DNAH6: variants seen among roughly 807,000 people sequenced by gnomAD.
DNAH6 encodes dynein axonemal heavy chain 6.
DNAH6 carries 340 observed loss-of-function variants against 491.4 expected under a neutral mutation model. The observed-to-expected ratio is 0.69, with a 90% confidence interval of 0.63 to 0.76. DNAH6 has a LOEUF of 0.76. Among genes scored for constraint, DNAH6 ranks in the 30% least tolerant of loss-of-function variants. The pLI, the probability that DNAH6 is intolerant of heterozygous loss-of-function variation, is 0.00. For missense variants in DNAH6, 4,443 were observed against 4,972.2 expected (o/e 0.89, Z 3.20); for synonymous variants, 1,603 against 1,686.1 (o/e 0.95, Z 1.21).
At chr2:84,739,435 A>C (rs1672306885) in intron 62 of DNAH6, among the ~76,000 whole-genome samples, 1 of 152,204 alleles carries the variant, frequency 6.6e-6, no homozygotes, top group African/African-American at 2.4e-5. Flanking sequence ...ATATCCTCAA[A>C]TATGTTTTCC....
At chr2:84,810,387 C>T (rs75141673) in intron 72 of DNAH6, among the ~76,000 whole-genome samples, 4,763 of 152,234 alleles carry the variant, frequency 0.031, 268 homozygotes, top group African/African-American at 0.11. Context: ...TTTTTCTGGT[C>T]AAACAAACCC....
In DNAH6 at chr2:84,628,228, A is replaced by G. The variant is rs116711843; in HGVS notation, c.4515+3165A>G. ...GTAAGCAGTTTCCAGAGAAAGAGGA[A>G]TGGTATCCTCTAACGGTTTCTGCAA... On this transcript the variant is annotated intron_variant, in intron 29 of 76. Transcript: ENST00000389394. Among the ~76,000 whole-genome samples, 1,029 of 152,274 alleles carry G rather than the reference A, an allele frequency of 6.8e-3. 7 individuals carry two copies. Among genetic ancestry groups the G allele is most frequent in the Middle Eastern group, 0.014 (4 of 294 alleles).
chr2:84,702,582 A>G (rs1394571022), intron 49 of DNAH6, among the ~76,000 whole-genome samples: 1 of 139,120 alleles, frequency 7.2e-6, no homozygotes, highest in Non-Finnish European at 1.5e-5. Context: ...TCGCTCTGTC[A>G]CCCAGGCTGG....
At chr2:84,711,671 G>A (rs1473823610) in intron 56 of DNAH6, among the ~76,000 whole-genome samples, 2 of 152,180 alleles carry the variant, frequency 1.3e-5, no homozygotes. Context: ...TGGAAGGGTT[G>A]CATAAACTAT....
At chr2:84,503,034 G>A in the DNAH6 span, among the ~76,000 whole-genome samples, 4 of 151,818 alleles carry the variant, frequency 2.6e-5, no homozygotes, top group Admixed American at 2.6e-4. Context: ...CTGCCATTTT[G>A]TTATTTGCTT....
intron 76 of DNAH6, among the ~76,000 whole-genome samples, chr2:84,817,110 T>G (rs1206781995): frequency 3.3e-5 from 5 of 152,168 alleles, no homozygotes; most frequent in African/African-American, 1.2e-4. Context: ...AAGGAATGAT[T>G]TTTAGCAACC....
At chr2:84,773,523 A>G (rs1675837516) in intron 64 of DNAH6, among the ~76,000 whole-genome samples, 1 of 152,062 alleles carries the variant, frequency 6.6e-6, no homozygotes, top group Non-Finnish European at 1.5e-5. Context: ...GCTATTGTGA[A>G]TACTGCAAGT....
At chr2:84,574,735 C>T (rs1302436693) in intron 12 of DNAH6, among the ~76,000 whole-genome samples, 1 of 152,178 alleles carries the variant, frequency 6.6e-6, no homozygotes, top group African/African-American at 2.4e-5. Context: ...TGTGCTATGT[C>T]ATGGCATCAC....
chr2:84,704,285 C>T lies in DNAH6; in HGVS notation c.8448C>T (p.Ser2816=). ...TCATGACAGTAATGGAAGCAATCTC[C>T]ATTCTTTTGAATGCCAAGTGAGTAA... is the stretch of plus-strand genomic sequence containing the variant. The part of the protein sequence containing the change: ...DLVMTVMEAI[S]ILLNAKPDWP... Residue 2816 remains serine (S), a synonymous_variant, in exon 51 of 77, where the codon TCC becomes TCT. Transcript: ENST00000389394. 1 of 1,551,338 alleles carries T rather than the reference C, an allele frequency of 6.4e-7. No individual in the cohort carries two copies. Among genetic ancestry groups the T allele is most frequent in the Non-Finnish European group, 8.7e-7 (1 of 1,146,678 alleles).
At chr2:84,662,607 G>T (rs567387640) in intron 37 of DNAH6, among the ~76,000 whole-genome samples, 1 of 152,332 alleles carries the variant, frequency 6.6e-6, no homozygotes, top group South Asian at 2.1e-4. Context: ...TGGCCAGAAA[G>T]CTCAAACTGG....
At chr2:84,711,266 C>G (rs1260793450) in intron 56 of DNAH6, among the ~76,000 whole-genome samples, 1 of 152,194 alleles carries the variant, frequency 6.6e-6, no homozygotes, top group Admixed American at 6.5e-5. Context: ...GAGAGAAGGG[C>G]TTCCCCAGCA....
intron 45 of DNAH6, among the ~76,000 whole-genome samples, chr2:84,690,557 T>A (rs1333777577): frequency 6.6e-6 from 1 of 152,238 alleles, no homozygotes; most frequent in Non-Finnish European, 1.5e-5. Context: ...CTATTTATAA[T>A]CTTTCTTACT....
At chr2:84,665,276 CA>C (rs912657358) in intron 37 of DNAH6, among the ~76,000 whole-genome samples, 1 of 151,598 alleles carries the variant, frequency 6.6e-6, no homozygotes, top group Non-Finnish European at 1.5e-5. Context: ...GAGAGAGACA[CA>C]AAAAACCCTT....
At chr2:84,701,440 T>C in intron 49 of DNAH6, 101 bp downstream of exon 49, 1 of 1,231,148 alleles carries the variant, frequency 8.1e-7, no homozygotes, top group South Asian at 1.6e-5. Flanking sequence ...CAGGGCCCTG[T>C]ATTAGTCCAT....
intron 44 of DNAH6, among the ~76,000 whole-genome samples, chr2:84,688,005 C>T (rs1047148560): frequency 4.6e-5 from 7 of 151,956 alleles, no homozygotes; most frequent in African/African-American, 1.5e-4. Context: ...GAGGCAGAAG[C>T]GGGCAGATTA....
chr2:84,787,061 G>A, intron 67 of DNAH6, 103 bp from the exon 68 acceptor site: 2 of 822,586 alleles, frequency 2.4e-6, no homozygotes, highest in East Asian at 5.7e-5. Context: ...TTGCAGTGTG[G>A]GGATGCCCAT....
At chr2:84,470,293 G>C in the DNAH6 span, among the ~76,000 whole-genome samples, 3 of 152,146 alleles carry the variant, frequency 2.0e-5, no homozygotes, top group Non-Finnish European at 4.4e-5. Context: ...AGGGTTCTTG[G>C]ATCTTGCACA....
chr2:84,539,242 T>C (rs1430817862), intron 4 of DNAH6, among the ~76,000 whole-genome samples: 1 of 152,160 alleles, frequency 6.6e-6, no homozygotes, highest in Admixed American at 6.6e-5. Context: ...TTCCCTGGTT[T>C]ACATTAGATC....
Position 84,653,316 on chromosome 2 carries a change from C to G in DNAH6, c.5079-3C>G. The G allele has an allele frequency of 1.3e-6, 2 of 1,495,052 alleles. No homozygotes were observed. Among genetic ancestry groups the G allele is most frequent in the South Asian group, 1.3e-5 (1 of 75,676 alleles). The allele number at this position is 1,495,052 out of a possible 1,614,324, so 92.6% of individuals were successfully genotyped here. ...CTAATTGATTTTATTTTTGTTTTGA[C>G]AGTGGAATCATATCTGACCTTTTTC... On this transcript the variant is annotated splice_region_variant and splice_polypyrimidine_tract_variant and intron_variant, in intron 33 of 76. Transcript: ENST00000389394.
Sources: gnomAD v4.1 joint callset for allele counts (sites outside exome capture counted in the v4.1 genomes callset) on GRCh38, gnomAD v4.1.1 for gene constraint, MANE v1.5 for transcripts, NCBI Gene and HGNC (gene_info 2026-07-23, HGNC 2026-07-21) for gene names.